Variants in EML1 observed in about 807,000 individuals in gnomAD.
The protein encoded by EML1 is echinoderm microtubule-associated protein-like 1.
Under a neutral mutation model 110.4 loss-of-function variants are expected in EML1, and 27 were observed. That is an observed-to-expected ratio of 0.24 (90% CI 0.18 to 0.34). The LOEUF (loss-of-function observed/expected upper bound fraction) is 0.34, where lower values mean the gene tolerates loss of function less well. Among genes scored for constraint, EML1 ranks in the 10% least tolerant of loss-of-function variants. EML1 has a pLI of 1.00. For synonymous variants in EML1, 344 were observed against 385.8 expected (o/e 0.89, Z 1.27); for missense variants, 741 against 1,030.9 (o/e 0.72, Z 3.85).
chr14:99,831,848 AT>A (rs59292789), intron 1 of EML1, among the ~76,000 whole-genome samples: 8,602 of 141,858 alleles, frequency 0.061, 350 homozygotes, highest in African/African-American at 0.13. Flanking sequence ...GAATGATGGG[AT>A]TTTTTTTTTT....
intron 3 of EML1, among the ~76,000 whole-genome samples, chr14:99,875,651 C>A (rs2059278343): frequency 6.6e-6 from 1 of 152,278 alleles, no homozygotes; most frequent in East Asian, 1.9e-4. Flanking sequence ...TGCAAAATCT[C>A]CCAGGGCCCC....
At chr14:99,854,686 C>T (rs547175807) in intron 2 of EML1, among the ~76,000 whole-genome samples, 1 of 152,290 alleles carries the variant, frequency 6.6e-6, no homozygotes, top group East Asian at 1.9e-4. Flanking sequence ...CTGTGGTGAA[C>T]CTCAGCCCAT....
intron 3 of EML1, among the ~76,000 whole-genome samples, chr14:99,871,819 C>T (rs893765092): frequency 5.3e-5 from 8 of 152,202 alleles, no homozygotes; most frequent in Non-Finnish European, 1.0e-4. Flanking sequence ...GCTGTGAACA[C>T]TGTTCACATT....
intron 1 of EML1, among the ~76,000 whole-genome samples, chr14:99,756,580 C>T (rs1451795643): frequency 6.6e-6 from 1 of 152,088 alleles, no homozygotes; most frequent in Non-Finnish European, 1.5e-5. Context: ...TAAGCCTATA[C>T]CTAAAGAATG....
At chr14:99,767,240 G>T (rs926048755) in intron 1 of EML1, among the ~76,000 whole-genome samples, 1 of 152,238 alleles carries the variant, frequency 6.6e-6, no homozygotes. Context: ...GTCTGGTCCT[G>T]GTTCCAGCAC....
At position 99,898,235 on chromosome 14, in the gene EML1, T is replaced by C; in HGVS notation, c.830T>C (p.Leu277Pro). 2 of 1,595,686 alleles carry C rather than the reference T, an allele frequency of 1.3e-6. No individual in the cohort carries two copies. The highest frequency in any genetic ancestry group is 1.7e-6 in the Non-Finnish European group (2 of 1,168,692). ...YAGHNDDVKC[L>P]AVHPDRITIA... ...TTTTGTAAATATCCTTTTCTTAGCC[T>C]AGCAGTTCATCCTGATCGGATCACG... The change falls in exon 8 of 22, where the codon CTA becomes CCA. Residue 277 changes from leucine to proline, a missense_variant and splice_region_variant. Physicochemically the swap from Leu to Pro is moderately conservative, Grantham distance 98 (BLOSUM62 -3). Transcript: ENST00000262233.
chr14:99,767,084 G>A (rs528346284), intron 1 of EML1, among the ~76,000 whole-genome samples: 3 of 152,180 alleles, frequency 2.0e-5, no homozygotes, highest in East Asian at 1.9e-4. Context: ...AAGAAGGCAC[G>A]GTGAGAAACT....
At chr14:99,787,172 G>GT (rs1381969914) in intron 1 of EML1, among the ~76,000 whole-genome samples, 2 of 151,132 alleles carry the variant, frequency 1.3e-5, no homozygotes, top group Non-Finnish European at 3.0e-5. Flanking sequence ...ATTTTGTAGA[G>GT]TAACAATTTT....
intron 3 of EML1, among the ~76,000 whole-genome samples, chr14:99,871,076 C>A (rs1345560625): frequency 6.6e-6 from 1 of 152,146 alleles, no homozygotes; most frequent in African/African-American, 2.4e-5. Flanking sequence ...CCTGCCTCAG[C>A]CTCCCAAGTA....
At chr14:99,770,508 G>T (rs2057414315), upstream of EML1, among the ~76,000 whole-genome samples, 1 of 151,716 alleles carries the variant, frequency 6.6e-6, no homozygotes, top group African/African-American at 2.4e-5. Flanking sequence ...CCTCCCAAAG[G>T]CTCACCTCGA....
At chr14:99,746,001 G>T (rs2057103334) in intron 1 of EML1, among the ~76,000 whole-genome samples, 1 of 152,180 alleles carries the variant, frequency 6.6e-6, no homozygotes, top group African/African-American at 2.4e-5. Context: ...ATAGACTGAG[G>T]TTACTGGTGG....
At chr14:99,892,415 C>A (rs2059603174) in intron 5 of EML1, among the ~76,000 whole-genome samples, 1 of 152,150 alleles carries the variant, frequency 6.6e-6, no homozygotes. Flanking sequence ...TATTGGCTGA[C>A]TGCAGGAATT....
chr14:99,739,704 C>G (rs987066865), intron 1 of EML1, among the ~76,000 whole-genome samples: 7 of 152,192 alleles, frequency 4.6e-5, no homozygotes, highest in African/African-American at 1.7e-4. Context: ...GTAAAGGCGG[C>G]ATCTTGGTGC....
In EML1 at chr14:99,813,543, G is replaced by A. The variant is rs1163072107; in HGVS notation, c.67+20000G>A. ...CAGCCTAGGTCGCATAGTGAGACCC[G>A]GTCTCTATAAAAATTTAGCCAGTTG... On this transcript the variant is annotated intron_variant, in intron 1 of 21. Coordinates refer to ENST00000262233, the MANE Select transcript of EML1 (RefSeq NM_004434.3). 3.3e-5 allele frequency among the ~76,000 whole-genome samples: 5 copies of A among 152,024 alleles called. No individual in the cohort carries two copies. In the East Asian group the frequency reaches 9.7e-4, roughly 29 times the overall value.
chr14:99,775,159 A>C (rs917678650), intron 1 of EML1, among the ~76,000 whole-genome samples: 1 of 152,258 alleles, frequency 6.6e-6, no homozygotes, highest in Non-Finnish European at 1.5e-5. Context: ...GAAAAGTTAC[A>C]GGAGCCTTGA....
chr14:99,750,229 G>T (rs183877341), intron 1 of EML1, among the ~76,000 whole-genome samples: 3 of 152,212 alleles, frequency 2.0e-5, no homozygotes, highest in Non-Finnish European at 2.9e-5. Flanking sequence ...CTGGAATCCC[G>T]TGGGAGAAGA....
intron 2 of EML1, among the ~76,000 whole-genome samples, chr14:99,859,500 A>T (rs1029877446): frequency 3.3e-5 from 5 of 152,220 alleles, no homozygotes. Context: ...AGATACCTTA[A>T]GGAACATTTT....
intron 1 of EML1, among the ~76,000 whole-genome samples, chr14:99,755,693 A>G (rs2057243026): frequency 6.6e-6 from 1 of 152,162 alleles, no homozygotes; most frequent in African/African-American, 2.4e-5. Context: ...TGGATCCCCA[A>G]GTCTGCAGAA....
chr14:99,930,102 G>C (rs1483768702), intron 17 of EML1, among the ~76,000 whole-genome samples: 1 of 152,168 alleles, frequency 6.6e-6, no homozygotes, highest in African/African-American at 2.4e-5. Context: ...CCACAGACTG[G>C]GGTTGTGGAG....
Sources: allele counts gnomAD v4.1 joint callset (sites outside exome capture counted in the v4.1 genomes callset), GRCh38; gene constraint gnomAD v4.1.1; transcripts MANE v1.5; gene names NCBI Gene and HGNC (gene_info 2026-07-23, HGNC 2026-07-21).